CMIP: variants seen among roughly 807,000 people sequenced by gnomAD.
CMIP encodes the protein C-Maf-inducing protein.
A neutral mutation model predicts 97.3 loss-of-function variants in CMIP; 13 were observed. The ratio of observed to expected loss-of-function variants is 0.13; its 90% confidence interval spans 0.09 to 0.21. The LOEUF is 0.21. CMIP is among the 10% of genes least tolerant of loss of function. The pLI is 1.00. For synonymous variants in CMIP, 538 were observed against 436.3 expected, an observed-to-expected ratio of 1.23 and a Z score of -2.91; for missense variants, 847 against 1,024.9, an observed-to-expected ratio of 0.83 and a Z score of 2.37.
chr16:81,705,492 T>C lies in CMIP; in HGVS notation c.2092-7T>C. 1 of 1,590,108 alleles carries C rather than the reference T, an allele frequency of 6.3e-7. No homozygotes were observed. Among genetic ancestry groups the C allele is most frequent in the Non-Finnish European group, 8.6e-7 (1 of 1,167,328 alleles). ...GGGAGAGGGCTGAGAGTTTCTGTGC[T>C]CTACAGTTTGGAGACGCTGGCCTTC... On this transcript the variant is annotated splice_region_variant and splice_polypyrimidine_tract_variant and intron_variant, in intron 18 of 20. Transcript: ENST00000537098.
intron 1 of CMIP, among the ~76,000 whole-genome samples, chr16:81,510,873 C>T (rs1048907308): frequency 1.3e-5 from 2 of 152,110 alleles, no homozygotes; most frequent in African/African-American, 2.4e-5. Context: ...GTGCATGCCA[C>T]CTTGCCCACC....
chr16:81,481,270 A>G (rs995390402), intron 1 of CMIP, among the ~76,000 whole-genome samples: 1 of 151,840 alleles, frequency 6.6e-6, no homozygotes, highest in Non-Finnish European at 1.5e-5. Context: ...TTGTTGTGTC[A>G]CCCTCATCTG....
At chr16:81,683,876 C>G (rs914680294) in intron 10 of CMIP, among the ~76,000 whole-genome samples, 2 of 149,088 alleles carry the variant, frequency 1.3e-5, no homozygotes, top group Non-Finnish European at 3.0e-5. Context: ...ATTCTCCTGC[C>G]TCAGCCTCCC....
chr16:81,548,422 C>T (rs185147159), intron 1 of CMIP, among the ~76,000 whole-genome samples: 42 of 152,238 alleles, frequency 2.8e-4, no homozygotes, highest in African/African-American at 9.4e-4. Flanking sequence ...CAGTGTGAGG[C>T]ACCAGCCAGC....
chr16:81,657,245 T>A (rs955259547), intron 4 of CMIP, among the ~76,000 whole-genome samples: 2 of 152,160 alleles, frequency 1.3e-5, no homozygotes, highest in Non-Finnish European at 2.9e-5. Context: ...TGAATTCAGC[T>A]AAAACATCTC....
At chr16:81,515,312 C>T (rs924407408) in intron 1 of CMIP, among the ~76,000 whole-genome samples, 2 of 152,184 alleles carry the variant, frequency 1.3e-5, no homozygotes, top group African/African-American at 2.4e-5. Flanking sequence ...ACACCTTGGC[C>T]TTCTGATTCT....
intron 1 of CMIP, among the ~76,000 whole-genome samples, chr16:81,548,545 C>G (rs2090593316): frequency 6.6e-6 from 1 of 151,964 alleles, no homozygotes; most frequent in African/African-American, 2.4e-5. Context: ...TTGTGACAAC[C>G]AAAAATGTCT....
intron 1 of CMIP, among the ~76,000 whole-genome samples, chr16:81,571,326 A>C (rs1460083133): frequency 6.6e-6 from 1 of 152,004 alleles, no homozygotes; most frequent in African/African-American, 2.4e-5. Flanking sequence ...AAAATTAGCT[A>C]GATGCAGTGG....
rs565553510 is a variant in CMIP, at chr16:81,674,303, T to C, written c.1034+2233T>C. Among the ~76,000 whole-genome samples the C allele has an allele frequency of 5.9e-5, 9 of 152,284 alleles. No homozygotes were observed. The South Asian group carries it at 1.9e-3, about 32-fold the overall frequency. Reference sequence around the variant, plus strand: ...AGAGGGTAGTATCAGGCCTGCCCTTTTGTATTTTTAGTAGAAATGGGGTTT... The same window carrying C: ...AGAGGGTAGTATCAGGCCTGCCCTTCTGTATTTTTAGTAGAAATGGGGTTT... On this transcript the variant is annotated intron_variant, in intron 9 of 20. Coordinates refer to ENST00000537098, the MANE Select transcript of CMIP (RefSeq NM_198390.3).
chr16:81,658,201 A>G (rs978204099), intron 5 of CMIP, among the ~76,000 whole-genome samples: 4 of 152,228 alleles, frequency 2.6e-5, no homozygotes, highest in African/African-American at 9.7e-5. Flanking sequence ...CAATTAATCC[A>G]CAAATAGAAC....
intron 1 of CMIP, among the ~76,000 whole-genome samples, chr16:81,596,594 C>T (rs989466294): frequency 6.6e-6 from 1 of 150,888 alleles, no homozygotes; most frequent in Non-Finnish European, 1.5e-5. Context: ...TGAACTTTAA[C>T]AAAGTGAACA....
intron 1 of CMIP, among the ~76,000 whole-genome samples, chr16:81,507,269 A>T (rs1382033092): frequency 6.6e-6 from 1 of 152,120 alleles, no homozygotes. Flanking sequence ...AGAAAGGAAG[A>T]TCATCTGCCC....
chr16:81,461,026 G>T (rs902233361), intron 1 of CMIP, among the ~76,000 whole-genome samples: 1 of 152,216 alleles, frequency 6.6e-6, no homozygotes, highest in Admixed American at 6.5e-5. Context: ...AAGAGGTCCC[G>T]CCCAGGTTTG....
At chr16:81,569,327 G>A (rs1054502425) in intron 1 of CMIP, among the ~76,000 whole-genome samples, 1 of 152,220 alleles carries the variant, frequency 6.6e-6, no homozygotes, top group African/African-American at 2.4e-5. Flanking sequence ...ATGATGAAAT[G>A]ACTTCGGCGA....
At chr16:81,446,450 G>C (rs1264064464) in intron 1 of CMIP, among the ~76,000 whole-genome samples, 1 of 151,910 alleles carries the variant, frequency 6.6e-6, no homozygotes, top group East Asian at 1.9e-4. Flanking sequence ...GGGGGTGGCG[G>C]GTAGGAGCCT....
chr16:81,445,629 G>T, intron 1 of CMIP, 88 bp downstream of exon 1: 1 of 1,403,154 alleles, frequency 7.1e-7, no homozygotes, highest in Non-Finnish European at 9.5e-7. Flanking sequence ...TGCACCTGGA[G>T]CCCAGGGCCT....
rs117111516 is a variant in CMIP, at chr16:81,471,403, A to G, written c.300+25862A>G. Among the ~76,000 whole-genome samples the G allele has an allele frequency of 4.0e-3, 560 of 141,376 alleles. 2 individuals are homozygous for G. The highest frequency in any genetic ancestry group is 6.3e-3 in the Non-Finnish European group (395 of 62,890). 92.7% of individuals were successfully genotyped at this position (141,376 alleles called of 152,430 possible). A position where few individuals can be genotyped will look rare whatever the true frequency, so the allele number is the denominator to read the frequency against. ...ATGTGCATATGCATATACACGTACAAATGCATACACACATACATGTACATG... is the reference window on the plus strand; with the variant it reads ...ATGTGCATATGCATATACACGTACAGATGCATACACACATACATGTACATG... On this transcript the variant is annotated intron_variant, in intron 1 of 20. Coordinates refer to ENST00000537098, the MANE Select transcript of CMIP (RefSeq NM_198390.3).
intron 10 of CMIP, among the ~76,000 whole-genome samples, chr16:81,689,185 G>A (rs1372831673): frequency 1.3e-5 from 2 of 152,222 alleles, no homozygotes; most frequent in Non-Finnish European, 2.9e-5. Flanking sequence ...TAATGGGATG[G>A]CTGGGTCAAA....
intron 1 of CMIP, among the ~76,000 whole-genome samples, chr16:81,458,162 G>A (rs1247955545): frequency 1.3e-5 from 2 of 152,148 alleles, no homozygotes; most frequent in South Asian, 2.1e-4. Flanking sequence ...GGGGAGGAGA[G>A]GGGATAGGGA....
Sources: allele counts gnomAD v4.1 joint callset (sites outside exome capture counted in the v4.1 genomes callset), GRCh38; gene constraint gnomAD v4.1.1; transcripts MANE v1.5; gene names NCBI Gene and HGNC (gene_info 2026-07-23, HGNC 2026-07-21).